Variants in COL1A1 observed in about 807,000 individuals in gnomAD.
The protein encoded by COL1A1 is collagen type I alpha 1 chain, also known as collagen alpha-1(I) chain.
COL1A1 carries 21 observed loss-of-function variants against 195.7 expected under a neutral mutation model. The observed-to-expected ratio is 0.11, with a 90% CI of 0.08 to 0.15. The LOEUF (loss-of-function observed/expected upper bound fraction) is 0.15, where lower values mean the gene tolerates loss of function less well. Among genes scored for constraint, COL1A1 ranks in the 10% least tolerant of loss-of-function variants. COL1A1 has a pLI of 1.00. For synonymous variants in COL1A1, 749 were observed against 747.3 expected, an observed-to-expected ratio of 1.00 and a Z score of -0.04; for missense variants, 1,365 against 2,051.0, an observed-to-expected ratio of 0.67 and a Z score of 6.46.
rs1906828857 is a variant in COL1A1 at position 50,189,053 on chromosome 17, G to A, written c.2938-43C>T. 1 of 1,558,364 alleles carries A rather than the reference G, an allele frequency of 6.4e-7. No individual in the cohort carries two copies. Among genetic ancestry groups the A allele is most frequent in the African/African-American group, 1.4e-5 (1 of 73,758 alleles). ...GTCAGGCCAGAGATAGGGTCTGGGA[G>A]GACCCTTGAGTCCGCTGGAGTCATC... On this transcript the variant is annotated intron_variant, in intron 40 of 50. Coordinates refer to ENST00000225964, the MANE Select transcript of COL1A1 (RefSeq NM_000088.4). The surrounding 1 kb of genome is among the most constrained non-coding windows in gnomAD (Gnocchi z 5.5).
In COL1A1 at chr17:50,189,043, G is replaced by C. The variant is rs1427625361; in HGVS notation, c.2938-33C>G. ...AGAAGAAAGAGTCAGGCCAGAGATA[G>C]GGTCTGGGAGGACCCTTGAGTCCGC... On this transcript the variant is annotated intron_variant, in intron 40 of 50. Coordinates refer to ENST00000225964, the MANE Select transcript of COL1A1 (RefSeq NM_000088.4). This position sits in a 1 kb window ranked among gnomAD's most constrained non-coding sequence, Gnocchi z 5.5. The C allele has an allele frequency of 6.3e-7, 1 of 1,587,868 alleles. No individual in the cohort carries two copies. Among genetic ancestry groups the C allele is most frequent in the South Asian group, 1.1e-5 (1 of 90,550 alleles).
At chr17:50,197,816 T>A in intron 8 of COL1A1, 31 bp from the exon 9 acceptor site, 1 of 1,602,180 alleles carries the variant, frequency 6.2e-7, no homozygotes, top group East Asian at 2.2e-5. Flanking sequence ...GGTTAGAATA[T>A]GGATAAGAAA....
Position 50,188,901 on chromosome 17 carries a change from A to G in COL1A1, c.3045+2T>C, listed in dbSNP as rs1906810819. 6.3e-7 allele frequency: 1 copy of G among 1,595,108 alleles called. No homozygotes were observed. The highest frequency in any genetic ancestry group is 2.2e-5 in the East Asian group (1 of 44,676). On this transcript the variant is annotated splice_donor_variant, in intron 41 of 50. Transcript: ENST00000225964. LOFTEE classifies it high-confidence loss of function. This position sits in a 1 kb window ranked among gnomAD's most constrained non-coding sequence, Gnocchi z 5.6. ...CTGGCATGGGGGCTGGGGACTGCTCACCTCACGTCCAGATTCACCAGGGGG... is the reference window on the plus strand; with the variant it reads ...CTGGCATGGGGGCTGGGGACTGCTCGCCTCACGTCCAGATTCACCAGGGGG...
rs1906716959 is a variant in COL1A1 at position 50,188,101 on chromosome 17, G to A, written c.3256C>T (p.Pro1086Ser). ...GGACACAGCAGGGTACTTACGGCGGGGCCACGGGCGCCAACAGGGCCGACA... is the reference window on the plus strand; with the variant it reads ...GGACACAGCAGGGTACTTACGGCGGAGCCACGGGCGCCAACAGGGCCGACA... ...GPVGPVGARG[P>S]AGPQGPRGDK... The change falls in exon 44 of 51, where the codon CCC becomes TCC. Residue 1086 changes from proline to serine, a missense_variant. Physicochemically the swap from Pro to Ser is moderately conservative, Grantham distance 74. This residue lies in a region of COL1A1 where 671 missense variants were observed against 1,099.9 expected (regional missense o/e 0.61). Coordinates refer to ENST00000225964, the MANE Select transcript of COL1A1 (RefSeq NM_000088.4). The surrounding 1 kb of genome is among the most constrained non-coding windows in gnomAD (Gnocchi z 5.6). 5 of 1,594,444 alleles carry A rather than the reference G, an allele frequency of 3.1e-6. No homozygotes were observed. Among genetic ancestry groups the A allele is most frequent in the Middle Eastern group, 3.3e-4 (2 of 6,042 alleles).
In COL1A1 at chr17:50,194,549, CCCCCGGCCGCAAGGAGAGGT is replaced by C. The variant is rs780361113; in HGVS notation, c.1515+4_1515+23del. The C allele has an allele frequency of 6.2e-7, 1 of 1,602,348 alleles. No homozygotes were observed. The highest frequency in any genetic ancestry group is 8.5e-7 in the Non-Finnish European group (1 of 1,174,556). ...ATGCCCAGGGAGCGGCAGGGTCAGC[CCCCCGGCCGCAAGGAGAGGT>C]TACCTTGGGACCAGCAACACCATCT... On this transcript the variant is annotated splice_donor_5th_base_variant and intron_variant, in intron 22 of 50. Coordinates refer to ENST00000225964, the MANE Select transcript of COL1A1 (RefSeq NM_000088.4). The surrounding 1 kb of genome is among the most constrained non-coding windows in gnomAD (Gnocchi z 6.8).
chr17:50,191,683 ACC>A (rs1294462712), intron 31 of COL1A1, 103 bp downstream of exon 31: 1 of 1,328,538 alleles, frequency 7.5e-7, no homozygotes, highest in Non-Finnish European at 1.1e-6. Flanking sequence ...CCCACCCCAC[ACC>A]CTATCTCCAT....
chr17:50,197,005 C>T lies in COL1A1; in HGVS notation c.804+5G>A. The T allele has an allele frequency of 6.2e-7, 1 of 1,614,038 alleles. No individual in the cohort carries two copies. Among genetic ancestry groups the T allele is most frequent in the African/African-American group, 1.3e-5 (1 of 75,042 alleles). On this transcript the variant is annotated splice_donor_5th_base_variant and intron_variant, in intron 11 of 50. Coordinates refer to ENST00000225964, the MANE Select transcript of COL1A1 (RefSeq NM_000088.4). The stretch of plus-strand genomic sequence containing the variant: ...GGGAGCTTAAATGACTCAAAGGTGA[C>T]TCACTCTGTGTCCCTTCATTCCAGG...
Position 50,190,021 on chromosome 17 carries a change from C to G in COL1A1, c.2539G>C (p.Ala847Pro). The change falls in exon 36 of 51, where the codon GCT becomes CCT. Residue 847 changes from alanine to proline, a missense_variant. Ala to Pro is a conservative substitution (Grantham distance 27). Coordinates refer to ENST00000225964, the MANE Select transcript of COL1A1 (RefSeq NM_000088.4). This position sits in a 1 kb window ranked among gnomAD's most constrained non-coding sequence, Gnocchi z 4.7. Reference sequence around the variant, plus strand: ...CTCACAATGGGGCCAGGGGGTCCAGCGGGTCCGGCAGGGCCAGGGGGACCA... The same window carrying G: ...CTCACAATGGGGCCAGGGGGTCCAGGGGGTCCGGCAGGGCCAGGGGGACCA... Reference protein sequence around the residue: ...DAGPPGPAGPAGPPGPIGNVG... With the variant: ...DAGPPGPAGPPGPPGPIGNVG... The G allele has an allele frequency of 2.5e-6, 4 of 1,613,064 alleles. No individual in the cohort carries two copies. Among genetic ancestry groups the G allele is most frequent in the Non-Finnish European group, 3.4e-6 (4 of 1,179,664 alleles).
chr17:50,186,516 G>C lies in COL1A1; in HGVS notation c.3815-9C>G. ...GTCAATCCAGTACTCTCCTGTGGTA[G>C]GGCAGGGCAAGATGGAGTCAGGGAA... On this transcript the variant is annotated splice_polypyrimidine_tract_variant and intron_variant, in intron 48 of 50. Coordinates refer to ENST00000225964, the MANE Select transcript of COL1A1 (RefSeq NM_000088.4). This position sits in a 1 kb window ranked among gnomAD's most constrained non-coding sequence, Gnocchi z 5.3. 6.2e-7 allele frequency: 1 copy of C among 1,614,158 alleles called. No individual in the cohort carries two copies. Among genetic ancestry groups the C allele is most frequent in the Non-Finnish European group, 8.5e-7 (1 of 1,180,024 alleles).
chr17:50,197,124 C>T lies in COL1A1; in HGVS notation c.750+56G>A. ...AGAACACATCACTGTGGACCCAGCTCCTAAATGAAGCCCAAGTGCAGTGAA... is the reference window on the plus strand; with the variant it reads ...AGAACACATCACTGTGGACCCAGCTTCTAAATGAAGCCCAAGTGCAGTGAA... On this transcript the variant is annotated intron_variant, in intron 10 of 50. Transcript: ENST00000225964. 4 of 1,613,966 alleles carry T rather than the reference C, an allele frequency of 2.5e-6. No homozygotes were observed. The South Asian group carries it at 3.3e-5, about 13-fold the overall frequency.
Position 50,190,743 on chromosome 17 carries a change from C to T in COL1A1, c.2343+74G>A. The T allele has an allele frequency of 6.6e-7, 1 of 1,509,470 alleles. No homozygotes were observed. Among genetic ancestry groups the T allele is most frequent in the Non-Finnish European group, 9.2e-7 (1 of 1,087,438 alleles). The allele number at this position is 1,509,470 out of a possible 1,614,324, so 93.5% of individuals were successfully genotyped here. On this transcript the variant is annotated intron_variant, in intron 33 of 50. Transcript: ENST00000225964. The surrounding 1 kb of genome is among the most constrained non-coding windows in gnomAD (Gnocchi z 4.7). ...GGCAGGACCTGCTCTCCCAACGCAACCCCACGGAACCGTGCCCAGGCCTGC... is the reference window on the plus strand; with the variant it reads ...GGCAGGACCTGCTCTCCCAACGCAATCCCACGGAACCGTGCCCAGGCCTGC...
In COL1A1 at chr17:50,199,965, G is replaced by A; in HGVS notation, c.104-18C>T. ...TGGTGGGACTGGGACAGGCGGAAGA[G>A]GGGCGTTGTCAGTAGTGACTGCAAC... On this transcript the variant is annotated intron_variant, in intron 1 of 50. Transcript: ENST00000225964. 1.2e-6 allele frequency: 2 copies of A among 1,613,846 alleles called. No individual in the cohort carries two copies. Among genetic ancestry groups the A allele is most frequent in the Non-Finnish European group, 1.7e-6 (2 of 1,179,904 alleles).
Position 50,189,301 on chromosome 17 carries a change from T to A in COL1A1, c.2830-26A>T. Reference sequence around the variant, plus strand: ...CTTTGGGAGGCAAACAGGGGTGAGGTGCCAGAGAGCAGCACAGGGACCCCT... The same window carrying A: ...CTTTGGGAGGCAAACAGGGGTGAGGAGCCAGAGAGCAGCACAGGGACCCCT... On this transcript the variant is annotated intron_variant, in intron 39 of 50. Coordinates refer to ENST00000225964, the MANE Select transcript of COL1A1 (RefSeq NM_000088.4). This position sits in a 1 kb window ranked among gnomAD's most constrained non-coding sequence, Gnocchi z 5.5. 1.2e-6 allele frequency: 2 copies of A among 1,613,572 alleles called. No homozygotes were observed. Among genetic ancestry groups the A allele is most frequent in the Non-Finnish European group, 1.7e-6 (2 of 1,179,828 alleles).
At position 50,190,277 on chromosome 17, in the gene COL1A1, G is replaced by T; in HGVS notation, c.2451+50C>A. On this transcript the variant is annotated intron_variant, in intron 35 of 50. Coordinates refer to ENST00000225964, the MANE Select transcript of COL1A1 (RefSeq NM_000088.4). The surrounding 1 kb of genome is among the most constrained non-coding windows in gnomAD (Gnocchi z 4.7). ...CTTTGTCCTCATTCCGTCCCTCGAGGTCCCAGGTCCCAGTCGGTGATGAAA... is the reference window on the plus strand; with the variant it reads ...CTTTGTCCTCATTCCGTCCCTCGAGTTCCCAGGTCCCAGTCGGTGATGAAA... 1.4e-6 allele frequency: 2 copies of T among 1,410,062 alleles called. No individual in the cohort carries two copies. The highest frequency in any genetic ancestry group is 2.0e-6 in the Non-Finnish European group (2 of 994,152). 87.3% of individuals were successfully genotyped at this position (1,410,062 alleles called of 1,614,324 possible). A position where few individuals can be genotyped will look rare whatever the true frequency, so the allele number is the denominator to read the frequency against.
intron 1 of COL1A1, chr17:50,200,195 G>A (rs1378497867): frequency 1.6e-5 from 9 of 559,916 alleles, no homozygotes; most frequent in African/African-American, 3.8e-5. Flanking sequence ...AGTCCGCGGT[G>A]GCTTCCAACT....
At chr17:50,200,504 C>T (rs367925759) in intron 1 of COL1A1, among the ~76,000 whole-genome samples, 1 of 152,312 alleles carries the variant, frequency 6.6e-6, no homozygotes, top group East Asian at 1.9e-4. Context: ...ACACCCTAAC[C>T]TCCAGCACCT....
chr17:50,198,228 G>T, intron 6 of COL1A1, 23 bp from the exon 7 acceptor site: 2 of 1,613,802 alleles, frequency 1.2e-6, no homozygotes, highest in Non-Finnish European at 1.7e-6. Flanking sequence ...AAGAAAGGGG[G>T]GTCATGGTGA....
At position 50,195,534 on chromosome 17, in the gene COL1A1, T is replaced by C. The variant is rs755712022; in HGVS notation, c.1155+33A>G. The C allele has an allele frequency of 1.2e-6, 2 of 1,613,608 alleles. No homozygotes were observed. The highest frequency in any genetic ancestry group is 3.3e-5 in the Admixed American group (2 of 59,988). On this transcript the variant is annotated intron_variant, in intron 17 of 50. Transcript: ENST00000225964. This position sits in a 1 kb window ranked among gnomAD's most constrained non-coding sequence, Gnocchi z 4.3. ...AGGCAAGGACTCTGAGGTTAGAAAG[T>C]GGCAAAGGGGACACTGAGTCGGGGA...
intron 1 of COL1A1, among the ~76,000 whole-genome samples, chr17:50,200,927 T>C (rs1908030009): frequency 6.6e-6 from 1 of 152,112 alleles, no homozygotes. Context: ...CGCCAAAGTT[T>C]CTCATCCTCC....
Sources: allele counts gnomAD v4.1 joint callset (sites outside exome capture counted in the v4.1 genomes callset), GRCh38; gene constraint gnomAD v4.1.1; regional missense constraint gnomAD v4.1.1; non-coding constraint Gnocchi (gnomAD v3.1); transcripts MANE v1.5; gene names NCBI Gene and HGNC (gene_info 2026-07-23, HGNC 2026-07-21).